RAP1B: variants seen among roughly 807,000 people sequenced by gnomAD.
RAP1B encodes RAP1B, member of RAS oncogene family.
RAP1B carries 1 observed loss-of-function variant against 27.5 expected under a neutral mutation model. The ratio of observed to expected loss-of-function variants is 0.04; its 90% CI spans 0.01 to 0.17. The LOEUF is 0.17. RAP1B is among the 10% of genes least tolerant of loss of function. The pLI is 1.00. For synonymous variants in RAP1B, 75 were observed against 73.1 expected, an observed-to-expected ratio of 1.03 and a Z score of -0.13; for missense variants, 84 against 214.8, an observed-to-expected ratio of 0.39 and a Z score of 3.81.
At chr12:68,653,929 C>CAA (rs34544411) in intron 4 of RAP1B, among the ~76,000 whole-genome samples, 183 bp from the exon 5 acceptor site, 2 of 133,886 alleles carry the variant, frequency 1.5e-5, no homozygotes, top group Middle Eastern at 3.8e-3. Flanking sequence ...GACTCCGTCT[C>CAA]AAAAAAAAAA....
intron 1 of RAP1B, among the ~76,000 whole-genome samples, chr12:68,638,154 C>G (rs1872754892): frequency 6.6e-6 from 1 of 152,080 alleles, no homozygotes; most frequent in Non-Finnish European, 1.5e-5. Context: ...CTCACTAGTC[C>G]ACATTTTTTG....
intron 3 of RAP1B, among the ~76,000 whole-genome samples, chr12:68,651,503 G>GAT (rs1467628975): frequency 6.6e-6 from 1 of 152,138 alleles, no homozygotes; most frequent in East Asian, 1.9e-4. Flanking sequence ...GGGTAACAGG[G>GAT]ATATATGTGT....
rs61700927 is a variant in RAP1B, at chr12:68,657,725, AACACACACACACACAC to A, written c.*30+541_*30+556del. ...CCAGCCAACCCCGTCCCTAATTTAA[AACACACACACACACAC>A]ACACACACACACACACACACACACA... is the stretch of plus-strand genomic sequence containing the variant. On this transcript the variant is annotated intron_variant, in intron 7 of 7. Coordinates refer to ENST00000250559, the MANE Select transcript of RAP1B (RefSeq NM_001010942.3). The A allele has an allele frequency of 3.5e-3, 441 of 126,232 alleles. 1 individual carries two copies. Among genetic ancestry groups the A allele is most frequent in the Middle Eastern group, 0.012 (3 of 248 alleles). The allele number at this position is 126,232 out of a possible 1,614,324, so 7.8% of individuals were successfully genotyped here.
chr12:68,625,494 C>T (rs1386003199), intron 1 of RAP1B, among the ~76,000 whole-genome samples: 2 of 152,190 alleles, frequency 1.3e-5, no homozygotes, highest in Admixed American at 6.5e-5. Flanking sequence ...TAATTTTTCT[C>T]CTCTGAACTT....
intron 1 of RAP1B, among the ~76,000 whole-genome samples, chr12:68,646,906 A>AT (rs1156840706): frequency 2.0e-5 from 3 of 152,018 alleles, no homozygotes; most frequent in Admixed American, 1.3e-4. Context: ...ACCATTGTAG[A>AT]TTTTTTCGGA....
chr12:68,635,308 T>G (rs943274775), intron 1 of RAP1B, among the ~76,000 whole-genome samples: 3 of 152,202 alleles, frequency 2.0e-5, no homozygotes, highest in Non-Finnish European at 4.4e-5. Context: ...ATTAGTTGAT[T>G]TTATTTGGGA....
chr12:68,633,544 A>G (rs916474224), intron 1 of RAP1B, among the ~76,000 whole-genome samples: 14 of 152,130 alleles, frequency 9.2e-5, no homozygotes, highest in African/African-American at 3.4e-4. Flanking sequence ...TTTTCCTCAG[A>G]TTTCTGGGCC....
At chr12:68,648,981 A>G (rs1014301789) in intron 2 of RAP1B, 200 bp downstream of exon 2, 4 of 515,776 alleles carry the variant, frequency 7.8e-6, no homozygotes, top group Admixed American at 7.3e-5. Flanking sequence ...TGACTCCAGA[A>G]TGACACGAGT....
In RAP1B at chr12:68,668,335, A is replaced by T. The variant is rs1300675194; in HGVS notation, c.*9086A>T. 6.6e-6 allele frequency: 1 copy of T among 151,454 alleles called. No individual in the cohort carries two copies. Among genetic ancestry groups the T allele is most frequent in the Admixed American group, 6.6e-5 (1 of 15,216 alleles). The allele number at this position is 151,454 out of a possible 1,614,324, so 9.4% of individuals were successfully genotyped here. A position where few individuals can be genotyped will look rare whatever the true frequency, so the allele number is the denominator to read the frequency against. On this transcript the variant is annotated 3_prime_UTR_variant, in exon 8 of 8. Transcript: ENST00000250559. ...CAGTTGCACAGTGTTGATCTCCCTA[A>T]GACTATTATAATAAGGAAGGGGTTT...
In RAP1B at chr12:68,664,933, A is replaced by G. The variant is rs1874786145; in HGVS notation, c.*5684A>G. The G allele has an allele frequency of 1.3e-5, 2 of 152,228 alleles. No individual in the cohort carries two copies. The highest frequency in any genetic ancestry group is 3.8e-4 in the East Asian group (2 of 5,198). The allele number at this position is 152,228 out of a possible 1,614,324, so 9.4% of individuals were successfully genotyped here. Reference sequence around the variant, plus strand: ...TCCCAACTATTACATCTGGTTGACTATTAACAGGTCAATGTCAGATTTCCT... The same window carrying G: ...TCCCAACTATTACATCTGGTTGACTGTTAACAGGTCAATGTCAGATTTCCT... On this transcript the variant is annotated 3_prime_UTR_variant, in exon 8 of 8. Coordinates refer to ENST00000250559, the MANE Select transcript of RAP1B (RefSeq NM_001010942.3).
At position 68,623,349 on chromosome 12, in the gene RAP1B, T is replaced by C. The variant is rs555820969; in HGVS notation, c.-27+12306T>C. On this transcript the variant is annotated intron_variant, in intron 1 of 7. Coordinates refer to ENST00000250559, the MANE Select transcript of RAP1B (RefSeq NM_001010942.3). ...TCTGCATATTAAAGGAGTTTTAGAT[T>C]AACAGTGAATTACAGTGAGCAGTAC... 1.1e-4 allele frequency among the ~76,000 whole-genome samples: 16 copies of C among 152,268 alleles called. No individual in the cohort carries two copies. In the South Asian group the frequency reaches 3.3e-3, roughly 32 times the overall value.
In RAP1B at chr12:68,667,563, T is replaced by C. The variant is rs1874908426; in HGVS notation, c.*8314T>C. The C allele has an allele frequency of 6.6e-6, 1 of 152,228 alleles. No homozygotes were observed. The highest frequency in any genetic ancestry group is 2.1e-4 in the South Asian group (1 of 4,836). The allele number at this position is 152,228 out of a possible 1,614,324, so 9.4% of individuals were successfully genotyped here. A position where few individuals can be genotyped will look rare whatever the true frequency, so the allele number is the denominator to read the frequency against. On this transcript the variant is annotated 3_prime_UTR_variant, in exon 8 of 8. Transcript: ENST00000250559. ...TGTAATCACTTCTCAAAAATGAATT[T>C]GGGCTTCTCCAGATAGCCTTTTTAT...
In RAP1B at chr12:68,661,005, T is replaced by C. The variant is rs779973816; in HGVS notation, c.*1756T>C. 1.2e-4 allele frequency: 19 copies of C among 152,200 alleles called. No individual in the cohort carries two copies. Among genetic ancestry groups the C allele is most frequent in the South Asian group, 1.0e-3 (5 of 4,834 alleles). 9.4% of individuals were successfully genotyped at this position (152,200 alleles called of 1,614,324 possible). On this transcript the variant is annotated 3_prime_UTR_variant, in exon 8 of 8. Coordinates refer to ENST00000250559, the MANE Select transcript of RAP1B (RefSeq NM_001010942.3). ...GAATTCTGTAAGAACTGAATTCTTA[T>C]AGAATTATTTTAAAACTTTTTAAAA...
chr12:68,655,841 T>A (rs1300862334), intron 5 of RAP1B, among the ~76,000 whole-genome samples: 3 of 152,218 alleles, frequency 2.0e-5, no homozygotes, highest in Non-Finnish European at 2.9e-5. Flanking sequence ...TGGCCTTGAT[T>A]GACTTTTTTA....
intron 7 of RAP1B, among the ~76,000 whole-genome samples, chr12:68,658,387 T>C (rs1874379516): frequency 6.6e-6 from 1 of 152,194 alleles, no homozygotes; most frequent in South Asian, 2.1e-4. Context: ...TCTGCCAGGA[T>C]TTAGAAAACT....
rs1414369665 is a variant in RAP1B at position 68,662,581 on chromosome 12, C to T, written c.*3332C>T. Reference sequence around the variant, plus strand: ...CACTACAACTTTTCTTTGAGTTAAACTCTTATCTGTGTTTTCATTGAATTT... The same window carrying T: ...CACTACAACTTTTCTTTGAGTTAAATTCTTATCTGTGTTTTCATTGAATTT... On this transcript the variant is annotated 3_prime_UTR_variant, in exon 8 of 8. Coordinates refer to ENST00000250559, the MANE Select transcript of RAP1B (RefSeq NM_001010942.3). 2 of 151,300 alleles carry T rather than the reference C, an allele frequency of 1.3e-5. No individual in the cohort carries two copies. Among genetic ancestry groups the T allele is most frequent in the East Asian group, 2.0e-4 (1 of 5,118 alleles). The allele number at this position is 151,300 out of a possible 1,614,324, so 9.4% of individuals were successfully genotyped here.
rs146421835 is a variant in RAP1B, at chr12:68,626,908, G to A, written c.-27+15865G>A. Reference sequence around the variant, plus strand: ...GCCCGCCACTTGTCCACAGGGCCACGATTGGAAATGTACTTGACCCGACAG... The same window carrying A: ...GCCCGCCACTTGTCCACAGGGCCACAATTGGAAATGTACTTGACCCGACAG... On this transcript the variant is annotated intron_variant, in intron 1 of 7. Transcript: ENST00000250559. 400 of 1,566,470 alleles carry A rather than the reference G, an allele frequency of 2.6e-4. 1 individual carries two copies. In the African/African-American group the frequency reaches 3.1e-3, roughly 12 times the overall value.
intron 1 of RAP1B, among the ~76,000 whole-genome samples, chr12:68,612,487 A>G (rs1338822190): frequency 2.0e-5 from 3 of 152,188 alleles, no homozygotes; most frequent in African/African-American, 2.4e-5. Context: ...GGAGGAGGAA[A>G]CTGAGGCCTA....
chr12:68,625,479 T>G (rs531000024), intron 1 of RAP1B, among the ~76,000 whole-genome samples: 1 of 152,352 alleles, frequency 6.6e-6, no homozygotes, highest in South Asian at 2.1e-4. Context: ...GTTTTGTTAC[T>G]TGGTTAATTT....
Sources: gnomAD v4.1 joint callset for allele counts (sites outside exome capture counted in the v4.1 genomes callset) on GRCh38, gnomAD v4.1.1 for gene constraint, MANE v1.5 for transcripts, NCBI Gene and HGNC (gene_info 2026-07-23, HGNC 2026-07-21) for gene names.